The following PACRG variants were observed in gnomAD, a reference collection of about 807,000 sequenced individuals.
PACRG encodes the protein parkin coregulated.
In PACRG, 29 loss-of-function variants were observed where a neutral mutation model predicts 29.7. The ratio of observed to expected loss-of-function variants is 0.98; its 90% confidence interval spans 0.73 to 1.33. The LOEUF is 1.33. Ranked by LOEUF, PACRG falls within the 40% of genes most tolerant of loss-of-function variation. PACRG has a pLI of 0.00. For synonymous variants in PACRG, 116 were observed against 118.7 expected (o/e 0.98, Z 0.15); for missense variants, 279 against 316.2 (o/e 0.88, Z 0.89).
chr6:163,212,033 A>C (rs776993309), intron 4 of PACRG, among the ~76,000 whole-genome samples: 3 of 152,316 alleles, frequency 2.0e-5, no homozygotes, highest in Admixed American at 6.5e-5. Context: ...TCAGAATACC[A>C]GAGTGACCAG....
At chr6:163,084,103 A>G (rs1813322523) in intron 3 of PACRG, among the ~76,000 whole-genome samples, 1 of 152,130 alleles carries the variant, frequency 6.6e-6, no homozygotes, top group Non-Finnish European at 1.5e-5. Context: ...TAGAAATCCA[A>G]TTTTCTGAAT....
chr6:162,843,070 G>C (rs989648996), intron 2 of PACRG, among the ~76,000 whole-genome samples: 1 of 148,728 alleles, frequency 6.7e-6, no homozygotes, highest in Non-Finnish European at 1.5e-5. Flanking sequence ...TGACAATTAT[G>C]TGTCTTGGAG....
At chr6:163,059,717 T>C (rs1192540161) in intron 2 of PACRG, among the ~76,000 whole-genome samples, 1 of 152,188 alleles carries the variant, frequency 6.6e-6, no homozygotes, top group Non-Finnish European at 1.5e-5. Flanking sequence ...TGTTTCAATT[T>C]CCTCATATTG....
intron 1 of PACRG, among the ~76,000 whole-genome samples, chr6:162,794,008 A>G (rs552479377): frequency 6.6e-6 from 1 of 152,308 alleles, no homozygotes; most frequent in African/African-American, 2.4e-5. Context: ...TTAAATTTAA[A>G]AAGTATGCAT....
intron 4 of PACRG, among the ~76,000 whole-genome samples, chr6:163,223,094 G>A (rs928272578): frequency 8.5e-5 from 13 of 152,270 alleles, no homozygotes; most frequent in African/African-American, 3.1e-4. Context: ...GGAAAAAGAA[G>A]TAAAACAAAA....
chr6:163,235,279 C>A (rs545545948), intron 4 of PACRG, among the ~76,000 whole-genome samples: 5 of 152,266 alleles, frequency 3.3e-5, no homozygotes, highest in African/African-American at 1.2e-4. Context: ...AATGATAATC[C>A]TGAAGCATAT....
chr6:162,974,847 G>A (rs1008901868), intron 2 of PACRG, among the ~76,000 whole-genome samples: 2 of 152,252 alleles, frequency 1.3e-5, no homozygotes, highest in East Asian at 3.9e-4. Flanking sequence ...GATGAGTGGG[G>A]CTTGAACCTG....
intron 2 of PACRG, among the ~76,000 whole-genome samples, chr6:163,054,971 G>T (rs1810424498): frequency 6.6e-6 from 1 of 152,154 alleles, no homozygotes. Context: ...TGCCAGTGTT[G>T]GGGGTACAAC....
At chr6:162,914,257 A>AT (rs1313169345) in intron 2 of PACRG, among the ~76,000 whole-genome samples, 1 of 151,998 alleles carries the variant, frequency 6.6e-6, no homozygotes, top group Non-Finnish European at 1.5e-5. Context: ...TAAATTGTCT[A>AT]TTTTTTTCCA....
intron 2 of PACRG, among the ~76,000 whole-genome samples, chr6:162,911,817 G>T (rs2128078474): frequency 6.6e-6 from 1 of 152,270 alleles, no homozygotes; most frequent in East Asian, 1.9e-4. Context: ...CTGAGCTTTG[G>T]ACACTGCTAG....
chr6:162,958,671 C>A (rs577837043), intron 2 of PACRG, among the ~76,000 whole-genome samples: 10 of 150,904 alleles, frequency 6.6e-5, no homozygotes, highest in African/African-American at 2.4e-4. Flanking sequence ...CACTTAGGAT[C>A]CTTTGTTTAT....
At chr6:163,012,552 A>G (rs192745136) in intron 2 of PACRG, among the ~76,000 whole-genome samples, 1 of 152,258 alleles carries the variant, frequency 6.6e-6, no homozygotes, top group African/African-American at 2.4e-5. Flanking sequence ...GCTGTGACGC[A>G]TAGCCCTGGC....
intron 4 of PACRG, among the ~76,000 whole-genome samples, chr6:163,244,413 A>G (rs1408309027): frequency 6.6e-6 from 1 of 152,172 alleles, no homozygotes; most frequent in Non-Finnish European, 1.5e-5. Context: ...AGCACATTTT[A>G]GACACTGAAA....
intron 4 of PACRG, among the ~76,000 whole-genome samples, chr6:163,281,477 G>A (rs1784225070): frequency 6.6e-6 from 1 of 152,096 alleles, no homozygotes. Flanking sequence ...ACATTGGACA[G>A]TAAGGCCAGA....
At chr6:163,006,652 T>C (rs990734136) in intron 2 of PACRG, among the ~76,000 whole-genome samples, 8 of 152,018 alleles carry the variant, frequency 5.3e-5, no homozygotes, top group Non-Finnish European at 7.4e-5. Flanking sequence ...AGAATTATTA[T>C]GTCCTCTTGA....
At chr6:163,164,767 A>G (rs911918316) in intron 4 of PACRG, among the ~76,000 whole-genome samples, 1 of 152,228 alleles carries the variant, frequency 6.6e-6, no homozygotes, top group African/African-American at 2.4e-5. Context: ...CACATGGTTT[A>G]GAGACAGAAA....
chr6:163,040,525 A>G (rs552788135), intron 2 of PACRG, among the ~76,000 whole-genome samples: 6 of 152,348 alleles, frequency 3.9e-5, no homozygotes, highest in African/African-American at 1.4e-4. Context: ...TGGAAAAGCC[A>G]CAGCCATTCA....
intron 1 of PACRG, among the ~76,000 whole-genome samples, chr6:162,780,987 C>T (rs1450419711): frequency 6.6e-6 from 1 of 151,742 alleles, no homozygotes; most frequent in African/African-American, 2.4e-5. Flanking sequence ...AAGATAATGA[C>T]CAAAAAATGT....
At chr6:163,095,312 CT>C (rs922985488) in intron 4 of PACRG, 1 of 985,050 alleles carries the variant, frequency 1.0e-6, no homozygotes, top group African/African-American at 1.7e-5. Context: ...TAAATTACGT[CT>C]CTATGTGCTC....
Sources: allele counts gnomAD v4.1 joint callset (sites outside exome capture counted in the v4.1 genomes callset), GRCh38; gene constraint gnomAD v4.1.1; transcripts MANE v1.5; gene names NCBI Gene and HGNC (gene_info 2026-07-23, HGNC 2026-07-21).